TNS3: variants seen among roughly 807,000 people sequenced by gnomAD.
TNS3 encodes the protein tensin-3.
A neutral mutation model predicts 140.9 loss-of-function variants in TNS3; 45 were observed. The observed-to-expected ratio is 0.32, with a 90% CI of 0.25 to 0.41. TNS3 has a LOEUF of 0.41. Among genes scored for constraint, TNS3 ranks in the 10% least tolerant of loss-of-function variants. The probability of loss-of-function intolerance (pLI) is 1.00; values close to 1 mark genes in which losing one functional copy is unlikely to be tolerated. For synonymous variants in TNS3, 815 were observed against 788.4 expected (o/e 1.03, Z -0.56); for missense variants, 1,716 against 1,906.7 (o/e 0.90, Z 1.86).
At chr7:47,544,132 C>T (rs1297291551) in intron 1 of TNS3, among the ~76,000 whole-genome samples, 1 of 152,122 alleles carries the variant, frequency 6.6e-6, no homozygotes, top group Non-Finnish European at 1.5e-5. Context: ...GTGGCTCTCC[C>T]CAGCCCCCTC....
rs1419331243 is a variant in TNS3, at chr7:47,389,125, A to AGCG, written c.1024+7674_1024+7675insCGC. ...AAGCGGAAGCAGAAGAAGAAGAAGA[A>AGCG]GAAGAAGAAGAAGAAGAAGAAGAAG... On this transcript the variant is annotated intron_variant, in intron 16 of 30. Coordinates refer to ENST00000311160, the MANE Select transcript of TNS3 (RefSeq NM_022748.12). Among the ~76,000 whole-genome samples the AGCG allele has an allele frequency of 5.5e-3, 82 of 14,842 alleles. 18 individuals are homozygous for AGCG. Among genetic ancestry groups the AGCG allele is most frequent in the East Asian group, 0.011 (3 of 282 alleles). 9.7% of individuals were successfully genotyped at this position (14,842 alleles called of 152,430 possible). A position where few individuals can be genotyped will look rare whatever the true frequency, so the allele number is the denominator to read the frequency against.
intron 1 of TNS3, among the ~76,000 whole-genome samples, chr7:47,567,628 G>C (rs1261439193): frequency 1.4e-5 from 2 of 147,770 alleles, no homozygotes; most frequent in Non-Finnish European, 3.0e-5. Flanking sequence ...AGCTTCCAGT[G>C]AGCAGAGATC....
chr7:47,380,000 G>A (rs1245887349), intron 16 of TNS3, among the ~76,000 whole-genome samples: 1 of 152,232 alleles, frequency 6.6e-6, no homozygotes, highest in Non-Finnish European at 1.5e-5. Flanking sequence ...CGCCTGCCCA[G>A]CCACACACTG....
chr7:47,487,533 C>CA lies in TNS3; in HGVS notation c.-114-6393dup, dbSNP rs1410303307. Among the ~76,000 whole-genome samples the CA allele has an allele frequency of 2.0e-5, 3 of 152,054 alleles. No individual in the cohort carries two copies. The East Asian group carries it at 5.8e-4, about 29-fold the overall frequency. ...GAGAATCAGCTCAACAATACCAACCCACAGCAATGAAACGGGCGTTCCACA... is the reference window on the plus strand; with the variant it reads ...GAGAATCAGCTCAACAATACCAACCCAACAGCAATGAAACGGGCGTTCCACA... On this transcript the variant is annotated intron_variant, in intron 3 of 30. Transcript: ENST00000311160.
chr7:47,524,598 C>G (rs991697231), intron 2 of TNS3, among the ~76,000 whole-genome samples: 1 of 150,074 alleles, frequency 6.7e-6, no homozygotes, highest in East Asian at 2.0e-4. Flanking sequence ...GTCAGGAGAT[C>G]GAGACCATCC....
At chr7:47,329,503 G>C (rs977263793) in intron 20 of TNS3, among the ~76,000 whole-genome samples, 2 of 152,162 alleles carry the variant, frequency 1.3e-5, no homozygotes, top group African/African-American at 4.8e-5. Context: ...CCCCAAGAGG[G>C]ACACGGCTTG....
intron 20 of TNS3, among the ~76,000 whole-genome samples, chr7:47,314,024 T>TG (rs1256514224): frequency 6.6e-6 from 1 of 152,220 alleles, no homozygotes; most frequent in Non-Finnish European, 1.5e-5. Flanking sequence ...CAGGGAGACT[T>TG]GGGCTTCCTG....
At chr7:47,560,593 G>A (rs73695391) in intron 1 of TNS3, among the ~76,000 whole-genome samples, 207 of 152,256 alleles carry the variant, frequency 1.4e-3, no homozygotes, top group Middle Eastern at 6.8e-3. Flanking sequence ...GTCCTTGGCC[G>A]ACTCTGCCTG....
intron 1 of TNS3, among the ~76,000 whole-genome samples, chr7:47,537,779 G>A (rs954810571): frequency 6.6e-6 from 1 of 152,112 alleles, no homozygotes; most frequent in South Asian, 2.1e-4. Flanking sequence ...AAACACCGAG[G>A]CAGAAAGGCT....
chr7:47,336,758 A>G (rs568436622), intron 20 of TNS3, among the ~76,000 whole-genome samples: 13 of 152,340 alleles, frequency 8.5e-5, no homozygotes, highest in Admixed American at 2.0e-4. Context: ...AAAAATAAAA[A>G]ATAGAAAATA....
intron 2 of TNS3, among the ~76,000 whole-genome samples, chr7:47,528,539 C>G (rs1005870233): frequency 6.6e-6 from 1 of 152,202 alleles, no homozygotes; most frequent in Admixed American, 6.5e-5. Context: ...ACCTCTCTTA[C>G]TAGATTTATT....
In TNS3 at chr7:47,302,260, T is replaced by A; in HGVS notation, c.3470A>T (p.Asp1157Val). Residue 1157 changes from aspartate to valine, a missense_variant, in exon 23 of 31, where the codon GAT (aspartate) becomes GTT (valine). By Grantham distance (152) the Asp-to-Val change is radical. Transcript: ENST00000311160. ...AASPLPDSPGDKLVIVKFVQD... is the reference protein window; with the variant it reads ...AASPLPDSPGVKLVIVKFVQD... ...AACAAATTTCACGATCACAAGTTTA[T>A]CACCTGGACTATCTGTAAAGCAAAA... is the stretch of plus-strand genomic sequence containing the variant. The A allele has an allele frequency of 1.2e-6, 2 of 1,614,122 alleles. No homozygotes were observed. The highest frequency in any genetic ancestry group is 2.7e-5 in the African/African-American group (2 of 75,068).
At chr7:47,550,089 C>A (rs1413455900) in intron 1 of TNS3, among the ~76,000 whole-genome samples, 2 of 147,322 alleles carry the variant, frequency 1.4e-5, no homozygotes, top group Non-Finnish European at 1.5e-5. Flanking sequence ...CCCTGCGAGG[C>A]CTTCTCAGGG....
intron 9 of TNS3, among the ~76,000 whole-genome samples, chr7:47,426,394 G>A (rs572251595): frequency 2.6e-5 from 4 of 152,120 alleles, no homozygotes; most frequent in African/African-American, 4.8e-5. Flanking sequence ...AAATGATGTC[G>A]GGAAATGATG....
intron 1 of TNS3, among the ~76,000 whole-genome samples, chr7:47,565,076 AT>A (rs1375542249): frequency 6.6e-6 from 1 of 150,454 alleles, no homozygotes; most frequent in Admixed American, 6.7e-5. Flanking sequence ...TGATTTTTTT[AT>A]TTCTATTTTT....
At chr7:47,553,570 T>A (rs1265394108) in intron 1 of TNS3, among the ~76,000 whole-genome samples, 3 of 152,226 alleles carry the variant, frequency 2.0e-5, no homozygotes, top group Non-Finnish European at 4.4e-5. Flanking sequence ...TTGACTATTT[T>A]AAGCTCACTG....
At chr7:47,345,119 C>A (rs1789256949) in intron 18 of TNS3, 81 bp from the exon 19 acceptor site, 1 of 1,108,088 alleles carries the variant, frequency 9.0e-7, no homozygotes, top group African/African-American at 1.5e-5. Context: ...TGTGGCTCCC[C>A]CAGGCTGGCC....
rs187425267 is a variant in TNS3, at chr7:47,471,580, G to A, written c.-76+9523C>T. On this transcript the variant is annotated intron_variant, in intron 4 of 30. Coordinates refer to ENST00000311160, the MANE Select transcript of TNS3 (RefSeq NM_022748.12). Reference sequence around the variant, plus strand: ...GGGGTGACAGAAGCCTCACAATCCCGCCCAGTTCGAATGACAGTTCATCAC... The same window carrying A: ...GGGGTGACAGAAGCCTCACAATCCCACCCAGTTCGAATGACAGTTCATCAC... Among the ~76,000 whole-genome samples the A allele has an allele frequency of 5.5e-3, 843 of 152,304 alleles. 12 individuals carry two copies. Among genetic ancestry groups the A allele is most frequent in the African/African-American group, 0.019 (807 of 41,572 alleles).
chr7:47,571,882 C>T, intron 1 of TNS3, among the ~76,000 whole-genome samples: 1 of 152,198 alleles, frequency 6.6e-6, no homozygotes, highest in East Asian at 1.9e-4. Context: ...CGTGGTGTCC[C>T]AGGGAACTAT....
Sources: allele counts gnomAD v4.1 joint callset (sites outside exome capture counted in the v4.1 genomes callset), GRCh38; gene constraint gnomAD v4.1.1; transcripts MANE v1.5; gene names NCBI Gene and HGNC (gene_info 2026-07-23, HGNC 2026-07-21).